The following SLC12A7 variants were observed in gnomAD, a reference collection of about 807,000 sequenced individuals.
SLC12A7 encodes K-Cl cotransporter 4.
In SLC12A7, 100 loss-of-function variants were observed where a neutral mutation model predicts 120.6. The ratio of observed to expected loss-of-function variants is 0.83; its 90% CI spans 0.71 to 0.98. The LOEUF (loss-of-function observed/expected upper bound fraction) is 0.98, where lower values mean the gene tolerates loss of function less well. SLC12A7 is among the 50% of genes least tolerant of loss of function. The pLI is 0.00. For missense variants in SLC12A7, 1,373 were observed against 1,548.1 expected (o/e 0.89, Z 1.90); for synonymous variants, 760 against 678.0 (o/e 1.12, Z -1.88).
In SLC12A7 at chr5:1,061,532, T is replaced by C. The variant is rs796414330; in HGVS notation, c.2740-1081A>G. Among the ~76,000 whole-genome samples, 48 of 118,468 alleles carry C rather than the reference T, an allele frequency of 4.1e-4. 1 individual carries two copies. The highest frequency in any genetic ancestry group is 1.7e-3 in the African/African-American group (45 of 26,004). The allele number at this position is 118,468 out of a possible 152,430, so 77.7% of individuals were successfully genotyped here. A position where few individuals can be genotyped will look rare whatever the true frequency, so the allele number is the denominator to read the frequency against. On this transcript the variant is annotated intron_variant, in intron 20 of 23. Transcript: ENST00000264930. ...CGCCGCACCCGCCGCACCTGCCGCA[T>C]CCGCCATGCGGGACCCCTGCGTCTC...
At position 1,075,402 on chromosome 5, in the gene SLC12A7, C is replaced by A; in HGVS notation, c.1936G>T (p.Gly646Cys). Residue 646 changes from glycine (G) to cysteine (C), a missense_variant, in exon 15 of 24, where the codon GGC (glycine) becomes TGC (cysteine). Transcript: ENST00000264930. ...TACTCGATGTACTTGTAGATGCAGC[C>A]AGCGATGAGCATGGCGGACAGCGCG... is the stretch of plus-strand genomic sequence containing the variant. ...YYALSAMLIAGCIYKYIEYRG... is the reference protein window; with the variant it reads ...YYALSAMLIACCIYKYIEYRG... 6.2e-7 allele frequency: 1 copy of A among 1,612,298 alleles called. No homozygotes were observed. The highest frequency in any genetic ancestry group is 2.2e-5 in the East Asian group (1 of 44,850).
At chr5:1,052,624 CA>C (rs1735170456) in intron 23 of SLC12A7, among the ~76,000 whole-genome samples, 173 bp from the exon 24 acceptor site, 1 of 65,794 alleles carries the variant, frequency 1.5e-5, no homozygotes, top group Admixed American at 2.0e-4. Context: ...CGGGGAGGAG[CA>C]GGGCAGGGGA....
At chr5:1,115,621 A>G (rs574048462), upstream of SLC12A7, among the ~76,000 whole-genome samples, 1 of 152,190 alleles carries the variant, frequency 6.6e-6, no homozygotes, top group Admixed American at 6.5e-5. Context: ...TGGGGCTGGC[A>G]GGCAGAGTGT....
chr5:1,132,638 T>C, the SLC12A7 span, among the ~76,000 whole-genome samples: 1 of 152,166 alleles, frequency 6.6e-6, no homozygotes, highest in East Asian at 1.9e-4. Flanking sequence ...TTCTGGACCA[T>C]TCCAGGGCCA....
the SLC12A7 span, among the ~76,000 whole-genome samples, chr5:1,154,933 C>T: frequency 6.6e-6 from 1 of 152,346 alleles, no homozygotes; most frequent in South Asian, 2.1e-4. Context: ...CATCTGTCCT[C>T]GGGGCCCACG....
the SLC12A7 span, among the ~76,000 whole-genome samples, chr5:1,134,680 G>T: frequency 2.6e-5 from 4 of 152,220 alleles, no homozygotes; most frequent in African/African-American, 9.6e-5. Flanking sequence ...GTGCTATAAA[G>T]AACTGAAAGC....
At chr5:1,054,771 A>C (rs1201472377) in intron 22 of SLC12A7, among the ~76,000 whole-genome samples, 1 of 152,258 alleles carries the variant, frequency 6.6e-6, no homozygotes, top group Non-Finnish European at 1.5e-5. Context: ...AAACGTGATC[A>C]TAACCACCAA....
intron 4 of SLC12A7, 99 bp from the exon 5 acceptor site, chr5:1,088,459 T>C (rs1322710633): frequency 7.7e-7 from 1 of 1,303,046 alleles, no homozygotes; most frequent in Non-Finnish European, 1.1e-6. Context: ...TCCCGCCGAA[T>C]GCCAGCCCCC....
intron 11 of SLC12A7, 129 bp from the exon 12 acceptor site, chr5:1,078,136 C>T (rs1399703658): frequency 8.8e-7 from 1 of 1,139,610 alleles, no homozygotes; most frequent in Admixed American, 3.0e-5. Context: ...TGAGGCCCGG[C>T]CTCCAGTCCC....
the SLC12A7 span, among the ~76,000 whole-genome samples, chr5:1,122,283 G>A: frequency 6.6e-6 from 1 of 152,190 alleles, no homozygotes; most frequent in African/African-American, 2.4e-5. Flanking sequence ...GAGGCGGGGT[G>A]GGATTTTGGG....
At chr5:1,127,323 C>T in the SLC12A7 span, among the ~76,000 whole-genome samples, 1 of 152,230 alleles carries the variant, frequency 6.6e-6, no homozygotes, top group African/African-American at 2.4e-5. Context: ...GACTGATGTC[C>T]TTATATGGAC....
At chr5:1,099,281 G>A (rs368813169) in intron 1 of SLC12A7, among the ~76,000 whole-genome samples, 6 of 151,538 alleles carry the variant, frequency 4.0e-5, no homozygotes, top group Middle Eastern at 6.8e-3. Flanking sequence ...AACCTAACCC[G>A]GACCCGGTCC....
intron 1 of SLC12A7, among the ~76,000 whole-genome samples, chr5:1,099,600 C>T (rs1741793940): frequency 6.6e-6 from 1 of 152,178 alleles, no homozygotes; most frequent in Non-Finnish European, 1.5e-5. Flanking sequence ...GCCTCCCCTC[C>T]CTCCTCCCGA....
chr5:1,153,136 C>T, the SLC12A7 span, among the ~76,000 whole-genome samples: 4 of 152,332 alleles, frequency 2.6e-5, no homozygotes, highest in Admixed American at 6.5e-5. Context: ...CAGCTGTCCA[C>T]GGCAGCCAGG....
chr5:1,107,102 G>T (rs981016433), intron 1 of SLC12A7, among the ~76,000 whole-genome samples: 1 of 152,184 alleles, frequency 6.6e-6, no homozygotes, highest in Non-Finnish European at 1.5e-5. Context: ...CTGATCAAAC[G>T]CTGCCTGCCT....
At chr5:1,143,471 T>G in the SLC12A7 span, among the ~76,000 whole-genome samples, 1 of 152,188 alleles carries the variant, frequency 6.6e-6, no homozygotes, top group Non-Finnish European at 1.5e-5. Flanking sequence ...TGTCGCTTTC[T>G]CTTCTTACAA....
chr5:1,090,695 C>T (rs1327082066), intron 3 of SLC12A7, among the ~76,000 whole-genome samples: 1 of 152,204 alleles, frequency 6.6e-6, no homozygotes, highest in East Asian at 1.9e-4. Context: ...ACAGGGGCCC[C>T]TGCCCTCCAG....
At chr5:1,155,436 G>GGACGGCGTCCCCACCCCCCCC in the SLC12A7 span, among the ~76,000 whole-genome samples, 4,574 of 152,004 alleles carry the variant, frequency 0.03, 117 homozygotes, top group East Asian at 0.12. Context: ...CCATCCCCGC[G>GGACGGCGTCCCCACCCCCCCC]GCCCCTGCCC....
chr5:1,143,227 G>C, the SLC12A7 span, among the ~76,000 whole-genome samples: 2 of 152,274 alleles, frequency 1.3e-5, no homozygotes, highest in Non-Finnish European at 2.9e-5. Context: ...GCTGGTGCCA[G>C]TCCTGTCGGA....
Sources: allele counts gnomAD v4.1 joint callset (sites outside exome capture counted in the v4.1 genomes callset), GRCh38; gene constraint gnomAD v4.1.1; transcripts MANE v1.5; gene names NCBI Gene and HGNC (gene_info 2026-07-23, HGNC 2026-07-21).